Variants in MTRR observed in about 807,000 individuals in gnomAD.
The protein encoded by MTRR is methionine synthase reductase.
A neutral mutation model predicts 79.2 loss-of-function variants in MTRR; 63 were observed. The ratio of observed to expected loss-of-function variants is 0.80; its 90% CI spans 0.65 to 0.98. The LOEUF (loss-of-function observed/expected upper bound fraction) is 0.98. MTRR is among the 50% of genes least tolerant of loss of function. The pLI, the probability that MTRR is intolerant of heterozygous loss-of-function variation, is 0.00. For missense variants in MTRR, 895 were observed against 839.6 expected (o/e 1.07, Z -0.82); for synonymous variants, 355 against 313.3 (o/e 1.13, Z -1.41).
At chr5:7,875,045 G>A (rs1748639724) in intron 3 of MTRR, 1 of 553,938 alleles carries the variant, frequency 1.8e-6, no homozygotes, top group Non-Finnish European at 3.2e-6. Flanking sequence ...TAAGTATTTT[G>A]TTTCATTATA....
At chr5:7,866,706 A>G (rs757853835), upstream of MTRR, 3 of 1,610,960 alleles carry the variant, frequency 1.9e-6, no homozygotes, top group Non-Finnish European at 2.5e-6. Context: ...ACTGGATGGC[A>G]TTCATTAAGT....
chr5:7,881,929 G>A (rs938825317), intron 5 of MTRR, among the ~76,000 whole-genome samples: 3 of 152,266 alleles, frequency 2.0e-5, no homozygotes, highest in East Asian at 1.9e-4. Context: ...TGCCAGTGCC[G>A]TCTGTCTGCT....
intron 10 of MTRR, 61 bp downstream of exon 10, chr5:7,891,475 T>A: frequency 7.3e-7 from 1 of 1,360,940 alleles, no homozygotes; most frequent in Non-Finnish European, 1.1e-6. Flanking sequence ...GACTCAGGCT[T>A]CCAGATCATT....
chr5:7,896,772 G>A (rs969410708), intron 12 of MTRR, 92 bp from the exon 13 acceptor site: 31 of 967,100 alleles, frequency 3.2e-5, no homozygotes, highest in African/African-American at 1.9e-4. Context: ...TTACAAATCC[G>A]TCTGAGTTTG....
At chr5:7,890,319 C>T (rs908678101) in intron 9 of MTRR, 2 of 985,162 alleles carry the variant, frequency 2.0e-6, no homozygotes, top group Admixed American at 6.1e-5. Flanking sequence ...AATGAGGCTG[C>T]TCTTCTCACC....
At position 7,881,190 on chromosome 5, in the gene MTRR, C is replaced by G. The variant is rs1735530226; in HGVS notation, c.781-1965C>G. On this transcript the variant is annotated intron_variant, in intron 5 of 14. Coordinates refer to ENST00000440940, the MANE Select transcript of MTRR (RefSeq NM_002454.3). ...ATTTTTTACATCTGTGTTCTGCCCT[C>G]CTCAATTTAGGACCTCAGCTGTGTT... Among the ~76,000 whole-genome samples, 4 of 152,086 alleles carry G rather than the reference C, an allele frequency of 2.6e-5. No homozygotes were observed. In the South Asian group the frequency reaches 8.3e-4, roughly 32 times the overall value.
chr5:7,866,711 T>C, upstream of MTRR: 1 of 1,612,706 alleles, frequency 6.2e-7, no homozygotes, highest in Non-Finnish European at 8.5e-7. Flanking sequence ...ATGGCATTCA[T>C]TAAGTGAACA....
intron 7 of MTRR, 25 bp from the exon 8 acceptor site, chr5:7,886,590 C>T (rs1163466185): frequency 2.0e-6 from 3 of 1,519,634 alleles, no homozygotes; most frequent in Admixed American, 3.3e-5. Context: ...TGTCATGAAC[C>T]CCTTTCCCGT....
At chr5:7,889,324 A>G in intron 9 of MTRR, 49 bp downstream of exon 9, 1 of 1,607,420 alleles carries the variant, frequency 6.2e-7, no homozygotes, top group Non-Finnish European at 8.5e-7. Flanking sequence ...GTGCACTGGT[A>G]GGCGGGCCAC....
chr5:7,869,384 C>T (rs1290352650), intron 1 of MTRR, 169 bp downstream of exon 1: 50 of 683,184 alleles, frequency 7.3e-5, no homozygotes, highest in East Asian at 6.3e-4. Flanking sequence ...CGGACTTGGC[C>T]TTTGGCCTTT....
chr5:7,868,971 A>C (rs1193892420), upstream of MTRR: 1 of 804,070 alleles, frequency 1.2e-6, no homozygotes, highest in Non-Finnish European at 2.1e-6. Flanking sequence ...CCCCGCGTTG[A>C]CACCTACCGC....
At chr5:7,897,379 A>G in intron 14 of MTRR, 132 bp downstream of exon 14, 1 of 927,554 alleles carries the variant, frequency 1.1e-6, no homozygotes, top group Non-Finnish European at 1.7e-6. Context: ...ACAGGAATAG[A>G]AATAACAGTT....
rs162036 is a variant in MTRR at position 7,885,846 on chromosome 5, A to G, written c.1049A>G (p.Lys350Arg). ...CVLLKIKADT[K>R]KKGATLPQHI... ...CTTTTGAAAATAAAGGCAGACACAA[A>G]GAAGAAAGGTAACAGCCCTGATGCT... The change falls in exon 7 of 15, where the codon AAG becomes AGG. Residue 350 changes from lysine to arginine, a missense_variant. Lys to Arg is a conservative substitution (Grantham distance 26). Transcript: ENST00000440940. 0.14 allele frequency: 225,324 copies of G among 1,613,752 alleles called. 20,669 individuals carry two copies. Among genetic ancestry groups the G allele is most frequent in the African/African-American group, 0.39 (28,915 of 74,868 alleles).
At chr5:7,877,843 G>T in intron 4 of MTRR, 101 bp from the exon 5 acceptor site, 1 of 1,504,202 alleles carries the variant, frequency 6.6e-7, no homozygotes, top group South Asian at 1.1e-5. Context: ...TTTCTAACAA[G>T]TGCATACTTT....
In MTRR at chr5:7,891,410, G is replaced by T; in HGVS notation, c.1366G>T (p.Ala456Ser). ...PKLQPRPYSC[A>S]SSSLFHPGKL... ...ACTTCAACCCAGACCATATTCGTGT[G>T]CAAGGTACTACTATTTATTCACGTA... Residue 456 changes from alanine (A) to serine (S), a missense_variant, in exon 10 of 15, where the codon GCA (alanine) becomes TCA (serine). Transcript: ENST00000440940. 6.2e-7 allele frequency: 1 copy of T among 1,608,096 alleles called. No homozygotes were observed. The highest frequency in any genetic ancestry group is 8.5e-7 in the Non-Finnish European group (1 of 1,176,632).
At chr5:7,851,036 G>A, upstream of MTRR, 2 of 1,241,404 alleles carry the variant, frequency 1.6e-6, no homozygotes, top group Non-Finnish European at 2.0e-6. Context: ...CCACCGTCCA[G>A]CGCCCCCGCC....
chr5:7,896,693 T>C (rs1450057035), intron 12 of MTRR, 171 bp from the exon 13 acceptor site: 2 of 645,972 alleles, frequency 3.1e-6, no homozygotes. Flanking sequence ...TCTGCTCGAG[T>C]GGCCATGACA....
At chr5:7,896,481 C>T in intron 12 of MTRR, 1 of 274,864 alleles carries the variant, frequency 3.6e-6, no homozygotes, top group South Asian at 4.5e-5. Context: ...GTGTGTTCAC[C>T]ATTTCGTAGA....
rs879937184 is a variant in MTRR, at chr5:7,875,031, C to T, written c.284-227C>T. 84 of 523,442 alleles carry T rather than the reference C, an allele frequency of 1.6e-4. No homozygotes were observed. In the East Asian group the frequency reaches 2.8e-3, roughly 18 times the overall value. The allele number at this position is 523,442 out of a possible 1,614,324, so 32.4% of individuals were successfully genotyped here. On this transcript the variant is annotated intron_variant, in intron 3 of 14. Transcript: ENST00000440940. ...GTGAAGTCTTTTCTTTCAACAGCGG[C>T]CAATAAGTATTTTGTTTCATTATAT...
Sources: gnomAD v4.1 joint callset for allele counts (sites outside exome capture counted in the v4.1 genomes callset) on GRCh38, gnomAD v4.1.1 for gene constraint, MANE v1.5 for transcripts, NCBI Gene and HGNC (gene_info 2026-07-23, HGNC 2026-07-21) for gene names.